MADD: variants seen among roughly 807,000 people sequenced by gnomAD.
MADD encodes the protein MAP kinase activating death domain, also known as MAP kinase-activating death domain protein.
Under a neutral mutation model 176.7 loss-of-function variants are expected in MADD, and 109 were observed. The ratio of observed to expected loss-of-function variants is 0.62; its 90% CI spans 0.53 to 0.72. The LOEUF is 0.72. Ranked by LOEUF, MADD falls within the 30% of genes least tolerant of loss-of-function variation. The pLI is 0.00. For missense variants in MADD, 1,914 were observed against 2,045.5 expected (o/e 0.94, Z 1.24); for synonymous variants, 771 against 771.3 (o/e 1.00, Z 0.01).
chr11:47,308,859 A>G (rs2085430090), intron 23 of MADD, 121 bp from the exon 26 acceptor site: 2 of 1,082,304 alleles, frequency 1.8e-6, no homozygotes, highest in Admixed American at 1.9e-5. Context: ...TGGGTCCAGA[A>G]CAAGCAGTGG....
intron 11 of MADD, 47 bp downstream of exon 11, chr11:47,284,328 G>T: frequency 1.9e-6 from 3 of 1,613,394 alleles, no homozygotes; most frequent in Non-Finnish European, 2.5e-6. Context: ...GGGGTTGGGG[G>T]CCCAAGGATG....
chr11:47,294,517 A>G (rs999149569), intron 20 of MADD, among the ~76,000 whole-genome samples: 1 of 151,486 alleles, frequency 6.6e-6, no homozygotes, highest in Non-Finnish European at 1.5e-5. Flanking sequence ...TAAAAATACA[A>G]AAGTTAGCTG....
At chr11:47,299,586 T>C (rs997683941) in intron 22 of MADD, among the ~76,000 whole-genome samples, 2 of 45,856 alleles carry the variant, frequency 4.4e-5, no homozygotes, top group Non-Finnish European at 7.0e-5. Context: ...ATTTTAGGGC[T>C]TTTTTTTTTT....
At chr11:47,329,800 G>A (rs1418394225) in exon 33 of MADD, 1 of 153,108 alleles carries the variant, frequency 6.5e-6, no homozygotes, top group African/African-American at 2.4e-5. Context: ...GAGTGGTCGA[G>A]GCTAGTGGAG....
At chr11:47,327,868 C>T in intron 31 of MADD, 2 of 985,402 alleles carry the variant, frequency 2.0e-6, no homozygotes, top group African/African-American at 1.7e-5. Context: ...GGTGGCTGAG[C>T]CTGGGGGGCC....
intron 22 of MADD, among the ~76,000 whole-genome samples, chr11:47,299,438 C>T (rs377681781): frequency 1.8e-4 from 27 of 151,766 alleles, no homozygotes; most frequent in Non-Finnish European, 3.8e-4. Context: ...TTGTGGCTAT[C>T]GTAAATGAGA....
At chr11:47,321,280 CCA>C (rs1292250321) in intron 27 of MADD, among the ~76,000 whole-genome samples, 2 of 152,198 alleles carry the variant, frequency 1.3e-5, no homozygotes, top group African/African-American at 2.4e-5. Flanking sequence ...CTGGAGATAA[CCA>C]CAGAGTCAGA....
At chr11:47,276,734 G>A (rs772070525) in exon 5 of MADD, 9 of 1,613,946 alleles carry the variant, frequency 5.6e-6, no homozygotes, top group Middle Eastern at 1.6e-4. Context: ...CATGACAGGT[G>A]GTGCTACAGT....
intron 6 of MADD, among the ~76,000 whole-genome samples, chr11:47,278,684 A>G (rs1234134593): frequency 6.6e-6 from 1 of 152,166 alleles, no homozygotes; most frequent in Non-Finnish European, 1.5e-5. Flanking sequence ...ATACATTCAG[A>G]CTTTGGTGGG....
intron 31 of MADD, chr11:47,327,274 T>C: frequency 9.1e-6 from 9 of 994,010 alleles, no homozygotes; most frequent in African/African-American, 1.7e-5. Context: ...GCAGGCAGAC[T>C]CACTTGAGGG....
intron 1 of MADD, among the ~76,000 whole-genome samples, chr11:47,271,577 T>G (rs1963781774): frequency 6.6e-6 from 1 of 152,148 alleles, no homozygotes; most frequent in South Asian, 2.1e-4. Context: ...TAGGAGGTGC[T>G]TCAGGCCTGA....
Position 47,276,222 on chromosome 11 carries a change from G to T in MADD, c.963+20G>T, listed in dbSNP as rs749929341. ...CACAAGGTGAGAGGCAAGCTTCCTAGACCTTTCTAGGGGAGAAACTCTTAA... is the reference window on the plus strand; with the variant it reads ...CACAAGGTGAGAGGCAAGCTTCCTATACCTTTCTAGGGGAGAAACTCTTAA... On this transcript the variant is annotated intron_variant, in intron 4 of 32. Transcript: ENST00000402192. The T allele has an allele frequency of 6.3e-6, 10 of 1,580,104 alleles. No homozygotes were observed. The Admixed American group carries it at 1.8e-4, about 28-fold the overall frequency.
At chr11:47,328,823 T>A in intron 32 of MADD, 119 bp downstream of exon 36, 1 of 1,335,402 alleles carries the variant, frequency 7.5e-7, no homozygotes, top group East Asian at 2.4e-5. Flanking sequence ...CTCGTTTTGT[T>A]GCCAAAGGTT....
At chr11:47,292,674 C>G in intron 19 of MADD, 78 bp downstream of exon 21, 2 of 1,416,560 alleles carry the variant, frequency 1.4e-6, no homozygotes, top group South Asian at 1.2e-5. Context: ...GGCAGGCTCC[C>G]TTTGTCAGCC....
chr11:47,328,330 A>G, intron 31 of MADD: 5 of 1,261,092 alleles, frequency 4.0e-6, no homozygotes, highest in Non-Finnish European at 5.0e-6. Context: ...GGGGCCCTGG[A>G]CAGTAGCTGT....
At chr11:47,292,650 C>T (rs1592965192) in intron 19 of MADD, 54 bp downstream of exon 21, 1 of 1,576,676 alleles carries the variant, frequency 6.3e-7, no homozygotes, top group East Asian at 2.2e-5. Flanking sequence ...TGCCAACTCC[C>T]CAGGCCCAGT....
At chr11:47,289,937 A>G (rs1400747542) in exon 17 of MADD, 3 of 1,614,074 alleles carry the variant, frequency 1.9e-6, no homozygotes, top group African/African-American at 2.7e-5. Flanking sequence ...CTGGCTCAAC[A>G]TGAAAAAGGT....
Position 47,289,988 on chromosome 11 carries a change from C to T in MADD, c.2878C>T (p.Leu960=), listed in dbSNP as rs184285448. Residue 960 remains leucine, a synonymous_variant, in exon 17 of 33, where the codon CTG becomes TTG. Coordinates refer to ENST00000402192, the Ensembl canonical transcript of MADD. ...GAGCGAGCAGCTGCGAGTCTTTGTC[C>T]TGAGCAAGCTGAACCGCATGGTGCA... The T allele has an allele frequency of 2.7e-5, 44 of 1,614,164 alleles. No homozygotes were observed. Among genetic ancestry groups the T allele is most frequent in the Admixed American group, 1.3e-4 (8 of 60,020 alleles).
At chr11:47,323,992 A>C (rs113833295) in intron 28 of MADD, 157 bp downstream of exon 31, 7 of 773,092 alleles carry the variant, frequency 9.1e-6, no homozygotes, top group Non-Finnish European at 1.2e-5. Flanking sequence ...TGTCAAGCCA[A>C]CTAGGCCTAA....
Sources: gnomAD v4.1 joint callset for allele counts (sites outside exome capture counted in the v4.1 genomes callset) on GRCh38, gnomAD v4.1.1 for gene constraint, MANE v1.5 for transcripts, NCBI Gene and HGNC (gene_info 2026-07-23, HGNC 2026-07-21) for gene names.